The following DIS3 variants were observed in gnomAD, a reference collection of about 807,000 sequenced individuals.
DIS3 encodes the protein exosome complex exonuclease RRP44.
DIS3 carries 103 observed loss-of-function variants against 113.0 expected under a neutral mutation model. The observed-to-expected ratio is 0.91, with a 90% CI of 0.78 to 1.07. The LOEUF (loss-of-function observed/expected upper bound fraction) is 1.07, where lower values mean the gene tolerates loss of function less well. DIS3 is among the 50% of genes least tolerant of loss of function. The probability of loss-of-function intolerance (pLI) is 0.00; values close to 1 mark genes in which losing one functional copy is unlikely to be tolerated. For missense variants in DIS3, 1,121 were observed against 1,167.1 expected (o/e 0.96, Z 0.58); for synonymous variants, 402 against 394.3 (o/e 1.02, Z -0.23).
At chr13:72,777,602 G>T in intron 3 of DIS3, 109 bp from the exon 4 acceptor site, 1 of 890,428 alleles carries the variant, frequency 1.1e-6, no homozygotes, top group Non-Finnish European at 1.8e-6. Context: ...CATTCATTGA[G>T]ACACACTGAG....
At position 72,756,178 on chromosome 13, in the gene DIS3, T is replaced by TAATTCATATGTACCCTTAGGAAATA. The variant is rs1555273819; in HGVS notation, c.*3616_*3617insTATTTCCTAAGGGTACATATGAATT. 2.7e-5 allele frequency: 10 copies of TAATTCATATGTACCCTTAGGAAATA among 365,622 alleles called. No homozygotes were observed. The highest frequency in any genetic ancestry group is 1.9e-4 in the African/African-American group (9 of 48,006). The allele number at this position is 365,622 out of a possible 1,614,324, so 22.6% of individuals were successfully genotyped here. A position where few individuals can be genotyped will look rare whatever the true frequency, so the allele number is the denominator to read the frequency against. On this transcript the variant is annotated 3_prime_UTR_variant, in exon 21 of 21. Coordinates refer to ENST00000377767, the MANE Select transcript of DIS3 (RefSeq NM_014953.5). Reference sequence around the variant, plus strand: ...AAAAACTGTCTCATTCAAAAGGGAATAAAGACCTGTGTTATCAATGTGTCA... The same window carrying TAATTCATATGTACCCTTAGGAAATA: ...AAAAACTGTCTCATTCAAAAGGGAATAATTCATATGTACCCTTAGGAAATAAAAGACCTGTGTTATCAATGTGTCA...
At chr13:72,778,126 T>C (rs1208260252) in intron 3 of DIS3, 61 bp downstream of exon 3, 116 of 1,394,852 alleles carry the variant, frequency 8.3e-5, no homozygotes, top group Non-Finnish European at 1.1e-4. Flanking sequence ...ACTATAGGCC[T>C]AATGATTATT....
rs2033561118 is a variant in DIS3, at chr13:72,759,024, C to T, written c.*771G>A. 5.7e-6 allele frequency: 1 copy of T among 175,556 alleles called. No individual in the cohort carries two copies. The highest frequency in any genetic ancestry group is 2.4e-5 in the African/African-American group (1 of 40,916). 10.9% of individuals were successfully genotyped at this position (175,556 alleles called of 1,614,324 possible). On this transcript the variant is annotated 3_prime_UTR_variant, in exon 21 of 21. Transcript: ENST00000377767. Reference sequence around the variant, plus strand: ...TTATACAGTTCCCCTCGTGTATATACACTGATATAACTACAATTTAAAAGC... The same window carrying T: ...TTATACAGTTCCCCTCGTGTATATATACTGATATAACTACAATTTAAAAGC...
intron 9 of DIS3, 117 bp from the exon 10 acceptor site, chr13:72,772,392 G>T: frequency 1.2e-6 from 1 of 803,602 alleles, no homozygotes; most frequent in Non-Finnish European, 1.9e-6. Flanking sequence ...GTATTTTCTT[G>T]ATGACAACCA....
At position 72,765,985 on chromosome 13, in the gene DIS3, T is replaced by A. The variant is rs1177842428; in HGVS notation, c.1957A>T (p.Thr653Ser). The A allele has an allele frequency of 6.2e-7, 1 of 1,607,376 alleles. No homozygotes were observed. Among genetic ancestry groups the A allele is most frequent in the Non-Finnish European group, 8.5e-7 (1 of 1,176,732 alleles). ...AAAATTACAAACCTAAGTTCCTTGG[T>A]CTGCAGATCTATAGGATCGTGAGTT... The part of the protein sequence containing the change: ...SETHDPIDLQ[T>S]KELRETNSMV... Residue 653 changes from threonine to serine, a missense_variant, in exon 15 of 21, where the codon ACC becomes TCC. Transcript: ENST00000377767.
At chr13:72,764,010 G>C (rs912875990) in intron 15 of DIS3, among the ~76,000 whole-genome samples, 1 of 152,036 alleles carries the variant, frequency 6.6e-6, no homozygotes. Flanking sequence ...AAATTAGCCA[G>C]GTCTGGTGGC....
Position 72,755,859 on chromosome 13 carries a change from T to A in DIS3, c.*3936A>T, listed in dbSNP as rs1466124632. The stretch of plus-strand genomic sequence containing the variant: ...TATTGTTATCTATGGGGCAAATGTG[T>A]GGTGCCCAGAATAAAATATACCTCA... On this transcript the variant is annotated 3_prime_UTR_variant, in exon 21 of 21. Coordinates refer to ENST00000377767, the MANE Select transcript of DIS3 (RefSeq NM_014953.5). 7.5e-6 allele frequency: 3 copies of A among 398,406 alleles called. No homozygotes were observed. Among genetic ancestry groups the A allele is most frequent in the African/African-American group, 6.2e-5 (3 of 48,586 alleles). 24.7% of individuals were successfully genotyped at this position (398,406 alleles called of 1,614,324 possible).
At chr13:72,773,068 T>G (rs1034424963) in intron 8 of DIS3, among the ~76,000 whole-genome samples, 2 of 152,226 alleles carry the variant, frequency 1.3e-5, no homozygotes, top group African/African-American at 4.8e-5. Context: ...CTTATTAATG[T>G]TCAAGTTTAA....
chr13:72,773,631 T>C, intron 8 of DIS3, 53 bp downstream of exon 8: 1 of 1,554,328 alleles, frequency 6.4e-7, no homozygotes, highest in South Asian at 1.2e-5. Flanking sequence ...AGAAATACTA[T>C]TCACAAAATT....
In DIS3 at chr13:72,773,691, T is replaced by C. The variant is rs758152944; in HGVS notation, c.1232A>G (p.Tyr411Cys). 3 of 1,609,226 alleles carry C rather than the reference T, an allele frequency of 1.9e-6. No individual in the cohort carries two copies. The highest frequency in any genetic ancestry group is 2.5e-6 in the Non-Finnish European group (3 of 1,178,946). The change falls in exon 8 of 21, where the codon TAT (tyrosine) becomes TGT (cysteine). Residue 411 changes from tyrosine to cysteine, a missense_variant. Tyr to Cys is a radical substitution (Grantham distance 194). Around this residue, in one of 3 missense-constraint regions of DIS3, gnomAD observed 861 missense variants for 915.5 expected, o/e 0.94. Transcript: ENST00000377767. Reference sequence around the variant, plus strand: ...TTAATACTTTAAGCTTACATTTGGATATCTGGAATTTCTGGGCCAACCATC... The same window carrying C: ...TTAATACTTTAAGCTTACATTTGGACATCTGGAATTTCTGGGCCAACCATC... The part of the protein sequence containing the change: ...AIDGWPRNSR[Y>C]PNGHFVRNLG...
chr13:72,752,229 GTGAATAGAACA>G lies in DIS3; in HGVS notation c.*7555_*7565del, dbSNP rs1468518982. 1.3e-5 allele frequency: 2 copies of G among 152,208 alleles called. No individual in the cohort carries two copies. The highest frequency in any genetic ancestry group is 2.9e-5 in the Non-Finnish European group (2 of 68,034). The allele number at this position is 152,208 out of a possible 1,614,324, so 9.4% of individuals were successfully genotyped here. ...ATCTTAAGGCAAGATTTACATAGCA[GTGAATAGAACA>G]TGACTTTTTAATTTTTGTCCCCTCA... is the stretch of plus-strand genomic sequence containing the variant. On this transcript the variant is annotated 3_prime_UTR_variant, in exon 21 of 21. Transcript: ENST00000377767.
intron 13 of DIS3, among the ~76,000 whole-genome samples, chr13:72,769,915 A>C (rs1313596968): frequency 1.3e-5 from 2 of 152,238 alleles, no homozygotes; most frequent in African/African-American, 2.4e-5. Context: ...AGAAAGATGT[A>C]GGGCAAAATA....
In DIS3 at chr13:72,771,639, TTTAC is replaced by T. The variant is rs199584662; in HGVS notation, c.1605+152_1605+155del. ...ATCTTCCCCTTGACTTTCACAATAC[TTTAC>T]TTGTTATTTGAACCACTCGATAACA... On this transcript the variant is annotated intron_variant, in intron 11 of 20. Coordinates refer to ENST00000377767, the MANE Select transcript of DIS3 (RefSeq NM_014953.5). Among the ~76,000 whole-genome samples the T allele has an allele frequency of 3.8e-3, 574 of 152,322 alleles. 17 individuals carry two copies. The East Asian group carries it at 0.06, about 16-fold the overall frequency.
At chr13:72,776,920 T>C (rs924204245) in intron 4 of DIS3, among the ~76,000 whole-genome samples, 6 of 152,234 alleles carry the variant, frequency 3.9e-5, no homozygotes, top group Non-Finnish European at 8.8e-5. Flanking sequence ...TCCACATTCA[T>C]ATACCATTAC....
rs1320983245 is a variant in DIS3 at position 72,771,004 on chromosome 13, C to G, written c.1671-16G>C. On this transcript the variant is annotated splice_polypyrimidine_tract_variant and intron_variant, in intron 12 of 20. Coordinates refer to ENST00000377767, the MANE Select transcript of DIS3 (RefSeq NM_014953.5). ...AAATGCCAGCCTGTGAAGGAAAATA[C>G]AGAGTATTTGTTAATGGGAATCAGG... is the stretch of plus-strand genomic sequence containing the variant. The G allele has an allele frequency of 3.1e-6, 5 of 1,606,578 alleles. No individual in the cohort carries two copies. Among genetic ancestry groups the G allele is most frequent in the Non-Finnish European group, 4.3e-6 (5 of 1,176,226 alleles).
Position 72,759,577 on chromosome 13 carries a change from A to G in DIS3, c.*218T>C, listed in dbSNP as rs2033575496. 2.2e-6 allele frequency: 1 copy of G among 449,306 alleles called. No individual in the cohort carries two copies. The highest frequency in any genetic ancestry group is 2.0e-5 in the African/African-American group (1 of 50,018). The allele number at this position is 449,306 out of a possible 1,614,324, so 27.8% of individuals were successfully genotyped here. A position where few individuals can be genotyped will look rare whatever the true frequency, so the allele number is the denominator to read the frequency against. On this transcript the variant is annotated 3_prime_UTR_variant, in exon 21 of 21. Coordinates refer to ENST00000377767, the MANE Select transcript of DIS3 (RefSeq NM_014953.5). Reference sequence around the variant, plus strand: ...ACTGTATTTAAGTGATGGATATTCAATTGAATTATTCTGCATAAATAATTC... The same window carrying G: ...ACTGTATTTAAGTGATGGATATTCAGTTGAATTATTCTGCATAAATAATTC...
intron 11 of DIS3, 88 bp from the exon 12 acceptor site, chr13:72,771,233 C>A: frequency 1.9e-6 from 2 of 1,065,888 alleles, no homozygotes; most frequent in East Asian, 2.5e-5. Flanking sequence ...ATTAATTAAA[C>A]AAGGAAAGAA....
At chr13:72,776,984 A>G (rs2034031936) in intron 4 of DIS3, among the ~76,000 whole-genome samples, 1 of 152,198 alleles carries the variant, frequency 6.6e-6, no homozygotes, top group South Asian at 2.1e-4. Flanking sequence ...TCCTCTTCAT[A>G]GCAGCCCTTC....
At chr13:72,761,282 T>C in intron 19 of DIS3, 81 bp downstream of exon 19, 6 of 1,491,652 alleles carry the variant, frequency 4.0e-6, no homozygotes, top group South Asian at 1.3e-5. Context: ...AAAATAATTT[T>C]ATGCTTTATA....
Sources: gnomAD v4.1 joint callset for allele counts (sites outside exome capture counted in the v4.1 genomes callset) on GRCh38, gnomAD v4.1.1 for gene constraint, gnomAD v4.1.1 regional missense constraint, MANE v1.5 for transcripts, NCBI Gene and HGNC (gene_info 2026-07-23, HGNC 2026-07-21) for gene names.